LSAMP: variants seen among roughly 807,000 people sequenced by gnomAD.
LSAMP encodes the protein limbic system-associated membrane protein.
A neutral mutation model predicts 38.6 loss-of-function variants in LSAMP; 7 were observed. The observed-to-expected ratio is 0.18, with a 90% CI of 0.10 to 0.34. The LOEUF is 0.34. Ranked by LOEUF, LSAMP falls within the 10% of genes least tolerant of loss-of-function variation. LSAMP has a pLI of 1.00. For synonymous variants in LSAMP, 154 were observed against 166.8 expected (o/e 0.92, Z 0.59); for missense variants, 313 against 420.0 (o/e 0.75, Z 2.23).
At chr3:116,374,756 C>T (rs1244775541) in intron 1 of LSAMP, among the ~76,000 whole-genome samples, 1 of 151,920 alleles carries the variant, frequency 6.6e-6, no homozygotes, top group Non-Finnish European at 1.5e-5. Context: ...GCCATCCAAT[C>T]TCTACAATCA....
At chr3:116,046,544 C>T (rs1160993194) in intron 2 of LSAMP, among the ~76,000 whole-genome samples, 2 of 152,156 alleles carry the variant, frequency 1.3e-5, no homozygotes, top group East Asian at 3.9e-4. Flanking sequence ...GGTAGGGAGG[C>T]ACTGATTAGA....
chr3:116,195,388 G>T (rs1710859142), intron 1 of LSAMP, among the ~76,000 whole-genome samples: 1 of 151,916 alleles, frequency 6.6e-6, no homozygotes, highest in South Asian at 2.1e-4. Flanking sequence ...ATTATTAAAA[G>T]CAATTTTAAT....
chr3:116,378,641 T>A (rs926874205), intron 1 of LSAMP, among the ~76,000 whole-genome samples: 3 of 152,084 alleles, frequency 2.0e-5, no homozygotes, highest in African/African-American at 7.2e-5. Context: ...TATAGATTTA[T>A]GAAATAGATA....
intron 1 of LSAMP, among the ~76,000 whole-genome samples, chr3:116,388,997 A>C (rs1018382036): frequency 6.6e-6 from 1 of 152,214 alleles, no homozygotes; most frequent in Non-Finnish European, 1.5e-5. Context: ...TGCAATTGCA[A>C]ATCTCCAGGA....
chr3:116,445,043 C>T lies in LSAMP; in HGVS notation c.-12G>A, dbSNP rs763292971. On this transcript the variant is annotated 5_prime_UTR_variant, in exon 1 of 7. Coordinates refer to ENST00000490035, the MANE Select transcript of LSAMP (RefSeq NM_002338.5). ...ACTCTCCTGACCATGGTGGCCACGC[C>T]GAGGTGCGGGTCCGCGGGGTGCTCT... is the stretch of plus-strand genomic sequence containing the variant. 2.5e-6 allele frequency: 4 copies of T among 1,606,728 alleles called. No individual in the cohort carries two copies. In the East Asian group the frequency reaches 8.9e-5, roughly 36 times the overall value.
At chr3:116,439,055 T>C (rs919248024) in intron 1 of LSAMP, among the ~76,000 whole-genome samples, 1 of 152,162 alleles carries the variant, frequency 6.6e-6, no homozygotes, top group Admixed American at 6.5e-5. Flanking sequence ...TCTATGTACA[T>C]AGCAGAATCA....
chr3:115,872,780 T>C (rs986014901), intron 3 of LSAMP, among the ~76,000 whole-genome samples: 3 of 152,130 alleles, frequency 2.0e-5, no homozygotes, highest in African/African-American at 4.8e-5. Flanking sequence ...CTGAGGCTCA[T>C]AGCTGTTAAG....
intron 2 of LSAMP, among the ~76,000 whole-genome samples, chr3:116,025,792 T>C (rs1477946225): frequency 6.6e-6 from 1 of 152,182 alleles, no homozygotes; most frequent in Non-Finnish European, 1.5e-5. Flanking sequence ...ATATAGACCT[T>C]ACTTACCATG....
At chr3:115,967,619 A>G (rs1938862027) in intron 3 of LSAMP, among the ~76,000 whole-genome samples, 1 of 152,152 alleles carries the variant, frequency 6.6e-6, no homozygotes, top group African/African-American at 2.4e-5. Context: ...TGGGAAATTT[A>G]CAAAAGAAAG....
At chr3:116,414,409 G>A (rs2049021661) in intron 1 of LSAMP, among the ~76,000 whole-genome samples, 2 of 152,004 alleles carry the variant, frequency 1.3e-5, no homozygotes, top group East Asian at 1.9e-4. Flanking sequence ...CTGCCCAGCC[G>A]GTGTCTTCCA....
chr3:116,184,047 C>T (rs982661435), intron 1 of LSAMP, among the ~76,000 whole-genome samples: 3 of 151,638 alleles, frequency 2.0e-5, no homozygotes, highest in Non-Finnish European at 4.4e-5. Context: ...AACTTTAGTA[C>T]AGATACGAAA....
At chr3:116,285,203 T>G (rs777024286) in intron 1 of LSAMP, among the ~76,000 whole-genome samples, 1 of 152,150 alleles carries the variant, frequency 6.6e-6, no homozygotes, top group Non-Finnish European at 1.5e-5. Flanking sequence ...CCAGGTGATC[T>G]TTTAAAATGT....
intron 2 of LSAMP, among the ~76,000 whole-genome samples, chr3:116,021,709 T>C (rs1474877324): frequency 2.0e-5 from 3 of 150,522 alleles, no homozygotes; most frequent in South Asian, 4.2e-4. Flanking sequence ...ATCCCTAATA[T>C]AAAACCATGC....
At chr3:116,077,226 A>T (rs1707763637) in intron 2 of LSAMP, among the ~76,000 whole-genome samples, 1 of 151,872 alleles carries the variant, frequency 6.6e-6, no homozygotes, top group Admixed American at 6.6e-5. Flanking sequence ...CATTGCATTG[A>T]CTATAGCCCC....
chr3:116,068,638 C>T (rs1482427787), intron 2 of LSAMP, among the ~76,000 whole-genome samples: 3 of 151,496 alleles, frequency 2.0e-5, no homozygotes, highest in African/African-American at 7.3e-5. Context: ...AGATTTGCTT[C>T]ATCTACACAA....
At chr3:115,816,412 A>C (rs1559833516) in intron 6 of LSAMP, among the ~76,000 whole-genome samples, 3 of 152,216 alleles carry the variant, frequency 2.0e-5, no homozygotes, top group African/African-American at 7.2e-5. Flanking sequence ...ATTACTGTCA[A>C]GAGCAATATA....
intron 1 of LSAMP, among the ~76,000 whole-genome samples, chr3:116,318,541 A>C (rs1213494911): frequency 6.6e-6 from 1 of 152,192 alleles, no homozygotes; most frequent in African/African-American, 2.4e-5. Flanking sequence ...TAGTCATCTA[A>C]TTAGCTCCAA....
At chr3:115,815,303 G>A (rs889060456) in intron 6 of LSAMP, among the ~76,000 whole-genome samples, 1 of 152,098 alleles carries the variant, frequency 6.6e-6, no homozygotes, top group Non-Finnish European at 1.5e-5. Context: ...TATATAGGTA[G>A]GGTTCTGTAC....
chr3:116,199,301 A>C (rs1436767259), intron 1 of LSAMP, among the ~76,000 whole-genome samples: 3 of 152,216 alleles, frequency 2.0e-5, no homozygotes, highest in Non-Finnish European at 2.9e-5. Context: ...AACTCAGTTC[A>C]GTTAACATTC....
Sources: allele counts gnomAD v4.1 joint callset (sites outside exome capture counted in the v4.1 genomes callset), GRCh38; gene constraint gnomAD v4.1.1; transcripts MANE v1.5; gene names NCBI Gene and HGNC (gene_info 2026-07-23, HGNC 2026-07-21).